Variants in ALPK1 observed in about 807,000 individuals in gnomAD.
ALPK1 encodes alpha kinase 1.
Under a neutral mutation model 120.6 loss-of-function variants are expected in ALPK1, and 110 were observed. The observed-to-expected ratio is 0.91, with a 90% confidence interval of 0.78 to 1.07. ALPK1 has a LOEUF of 1.07. ALPK1 is among the 50% of genes least tolerant of loss of function. The pLI is 0.00. For missense variants in ALPK1, 1,498 were observed against 1,483.9 expected, an observed-to-expected ratio of 1.01 and a Z score of -0.16; for synonymous variants, 582 against 560.3, an observed-to-expected ratio of 1.04 and a Z score of -0.55.
At chr4:112,376,283 G>A (rs530374542) in intron 2 of ALPK1, among the ~76,000 whole-genome samples, 1 of 152,248 alleles carries the variant, frequency 6.6e-6, no homozygotes, top group South Asian at 2.1e-4. Flanking sequence ...TTTTGTATTT[G>A]AGCACTCTGC....
chr4:112,425,668 C>T lies in ALPK1; in HGVS notation c.539C>T (p.Thr180Ile). 1.2e-6 allele frequency: 2 copies of T among 1,612,244 alleles called. No individual in the cohort carries two copies. Among genetic ancestry groups the T allele is most frequent in the Middle Eastern group, 1.7e-4 (1 of 6,052 alleles). The stretch of plus-strand genomic sequence containing the variant: ...GAATTTTCATCTTTTCTTTTAGGTA[C>T]CTGGCTGTACAGAAATGAAAGTGAC... ...SLISNNGATG[T>I]WLYRNESDKV... The change falls in exon 7 of 16, where the codon ACC becomes ATC. Residue 180 changes from threonine (T) to isoleucine (I), a missense_variant. Thr to Ile is a moderately conservative substitution (Grantham distance 89). Transcript: ENST00000650871.
chr4:112,359,522 G>A (rs1408437833), intron 2 of ALPK1: 7 of 254,310 alleles, frequency 2.8e-5, no homozygotes, highest in South Asian at 1.1e-4. Flanking sequence ...GCATGGAGCC[G>A]CCAGGACCCC....
chr4:112,297,860 ACT>A (rs1365372242), intron 1 of ALPK1, among the ~76,000 whole-genome samples: 1 of 151,988 alleles, frequency 6.6e-6, no homozygotes, highest in Non-Finnish European at 1.5e-5. Flanking sequence ...TTAAAAAAAA[ACT>A]CTATGACTTT....
intron 4 of ALPK1, among the ~76,000 whole-genome samples, chr4:112,409,911 A>G (rs1733375559): frequency 6.6e-6 from 1 of 152,154 alleles, no homozygotes; most frequent in Non-Finnish European, 1.5e-5. Context: ...CCAAAAAGAT[A>G]AATAGAGTAA....
Position 112,354,097 on chromosome 4 carries a change from G to C in ALPK1, c.-100-23581G>C, listed in dbSNP as rs188447815. On this transcript the variant is annotated intron_variant, in intron 2 of 15. Coordinates refer to ENST00000650871, the MANE Select transcript of ALPK1 (RefSeq NM_025144.4). Reference sequence around the variant, plus strand: ...TTTACAGAAATTCTTTATATATTCAGGGTAGAAATCTTTTGTCAGCTACCA... The same window carrying C: ...TTTACAGAAATTCTTTATATATTCACGGTAGAAATCTTTTGTCAGCTACCA... 1.5e-3 allele frequency among the ~76,000 whole-genome samples: 221 copies of C among 152,202 alleles called. 3 individuals are homozygous for C. The highest frequency in any genetic ancestry group is 3.8e-4 in the Non-Finnish European group (26 of 68,014).
chr4:112,438,402 T>C, intron 12 of ALPK1, 82 bp from the exon 13 acceptor site: 4 of 1,289,280 alleles, frequency 3.1e-6, no homozygotes, highest in Admixed American at 2.1e-5. Context: ...TTTCTGCATA[T>C]GTCTTTTGAT....
chr4:112,427,270 G>A (rs572343131), intron 8 of ALPK1, among the ~76,000 whole-genome samples: 1 of 152,192 alleles, frequency 6.6e-6, no homozygotes, highest in East Asian at 1.9e-4. Flanking sequence ...ATATCTCCAA[G>A]TCAGGGTATT....
intron 9 of ALPK1, chr4:112,428,250 AG>A (rs1175393833): frequency 6.6e-6 from 1 of 152,622 alleles, no homozygotes; most frequent in Non-Finnish European, 1.5e-5. Flanking sequence ...ACAACCAGTA[AG>A]AGAGAGAACT....
chr4:112,429,277 A>G, intron 10 of ALPK1, 24 bp downstream of exon 10: 2 of 1,577,980 alleles, frequency 1.3e-6, no homozygotes, highest in African/African-American at 2.7e-5. Context: ...GCCGCTCCTC[A>G]AACCCCCACA....
chr4:112,426,675 G>A, intron 8 of ALPK1, 132 bp downstream of exon 8: 1 of 721,802 alleles, frequency 1.4e-6, no homozygotes, highest in Non-Finnish European at 2.1e-6. Flanking sequence ...ACAAGCATAG[G>A]GCCAGGTACA....
At chr4:112,406,073 C>T (rs4834274) in intron 4 of ALPK1, among the ~76,000 whole-genome samples, 74,039 of 151,706 alleles carry the variant, frequency 0.49, 18,632 homozygotes, top group African/African-American at 0.62. Flanking sequence ...GTATGGATGT[C>T]CCTCAAAAAA....
At chr4:112,338,951 A>C (rs539811787) in intron 2 of ALPK1, among the ~76,000 whole-genome samples, 26 of 152,340 alleles carry the variant, frequency 1.7e-4, no homozygotes, top group Admixed American at 9.8e-4. Flanking sequence ...CCAAACTCAG[A>C]GTTCCTTCCA....
At chr4:112,326,390 T>C (rs1366292600) in intron 2 of ALPK1, among the ~76,000 whole-genome samples, 1 of 152,150 alleles carries the variant, frequency 6.6e-6, no homozygotes, top group Non-Finnish European at 1.5e-5. Flanking sequence ...CAGATAAAGA[T>C]GGTCTACAGA....
chr4:112,307,396 G>A (rs1728136970), intron 1 of ALPK1, among the ~76,000 whole-genome samples: 1 of 152,022 alleles, frequency 6.6e-6, no homozygotes, highest in Non-Finnish European at 1.5e-5. Flanking sequence ...AAGTCTCTTT[G>A]TAGGTCTCTA....
chr4:112,393,247 A>G (rs545768916), intron 4 of ALPK1, among the ~76,000 whole-genome samples: 1 of 152,312 alleles, frequency 6.6e-6, no homozygotes, highest in African/African-American at 2.4e-5. Context: ...AGACCCAGAA[A>G]TATATTGGCA....
intron 2 of ALPK1, among the ~76,000 whole-genome samples, chr4:112,327,633 T>C (rs1195157312): frequency 2.6e-5 from 4 of 151,826 alleles, no homozygotes; most frequent in African/African-American, 9.7e-5. Context: ...AGAGATGGGG[T>C]CTCTACAAAC....
In ALPK1 at chr4:112,432,068, G is replaced by A; in HGVS notation, c.2521G>A (p.Glu841Lys). Residue 841 changes from glutamate to lysine, a missense_variant, in exon 11 of 16, where the codon GAG (glutamate) becomes AAG (lysine). By Grantham distance (56) the Glu-to-Lys change is moderately conservative. Transcript: ENST00000650871. The stretch of plus-strand genomic sequence containing the variant: ...CAGAAAAAGTGGTGGCCCAGTCGCA[G>A]AGCAGGGCATCGACCCTGATGCCTC... ...DSRKSGGPVA[E>K]QGIDPDASTV... 6.2e-7 allele frequency: 1 copy of A among 1,614,128 alleles called. No individual in the cohort carries two copies. Among genetic ancestry groups the A allele is most frequent in the Non-Finnish European group, 8.5e-7 (1 of 1,179,992 alleles).
chr4:112,427,539 G>A (rs377361072), intron 8 of ALPK1, 31 bp from the exon 9 acceptor site: 16 of 1,538,584 alleles, frequency 1.0e-5, no homozygotes, highest in East Asian at 6.7e-5. Flanking sequence ...GTGAATTCCC[G>A]ATCTGTGACT....
intron 2 of ALPK1, among the ~76,000 whole-genome samples, chr4:112,365,470 G>C (rs901013175): frequency 6.6e-6 from 1 of 151,966 alleles, no homozygotes; most frequent in African/African-American, 2.4e-5. Context: ...AGATGCAAAA[G>C]AAATACAATA....
Sources: allele counts gnomAD v4.1 joint callset (sites outside exome capture counted in the v4.1 genomes callset), GRCh38; gene constraint gnomAD v4.1.1; transcripts MANE v1.5; gene names NCBI Gene and HGNC (gene_info 2026-07-23, HGNC 2026-07-21).